Variants in NAALADL2 observed in about 807,000 individuals in gnomAD.
NAALADL2 encodes the protein inactive N-acetylated-alpha-linked acidic dipeptidase-like protein 2.
NAALADL2 carries 76 observed loss-of-function variants against 87.2 expected under a neutral mutation model. The observed-to-expected ratio is 0.87, with a 90% CI of 0.72 to 1.05. The LOEUF is 1.05. NAALADL2 is among the 50% of genes least tolerant of loss of function. NAALADL2 has a pLI of 0.00. For synonymous variants in NAALADL2, 354 were observed against 331.0 expected (o/e 1.07, Z -0.75); for missense variants, 1,089 against 945.8 (o/e 1.15, Z -1.99).
chr3:174,533,461 G>T (rs1721432294), intron 1 of NAALADL2, among the ~76,000 whole-genome samples: 1 of 152,014 alleles, frequency 6.6e-6, no homozygotes, highest in South Asian at 2.1e-4. Flanking sequence ...AATACATGTT[G>T]CTCTCTGACT....
At chr3:175,254,065 G>A (rs1749517208) in intron 3 of NAALADL2, among the ~76,000 whole-genome samples, 1 of 152,088 alleles carries the variant, frequency 6.6e-6, no homozygotes, top group African/African-American at 2.4e-5. Flanking sequence ...CAGCAATAGG[G>A]TTTTTGAGAT....
rs148565957 is a variant in NAALADL2 at position 174,620,107 on chromosome 3, A to G, written c.-115+69470A>G. ...ATCCACAGGTAACTGTTTTACTTAA[A>G]TCAATGTTAATCTCCTTGGTCATTT... On this transcript the variant is annotated intron_variant, in intron 2 of 3. Transcript: ENST00000434257. 2.5e-3 allele frequency among the ~76,000 whole-genome samples: 374 copies of G among 152,124 alleles called. 2 individuals are homozygous for G. Among genetic ancestry groups the G allele is most frequent in the African/African-American group, 8.6e-3 (357 of 41,552 alleles).
chr3:175,419,606 C>T (rs568113057), intron 5 of NAALADL2, among the ~76,000 whole-genome samples: 1 of 151,890 alleles, frequency 6.6e-6, no homozygotes, highest in Admixed American at 6.6e-5. Flanking sequence ...TCAGAGAGAC[C>T]TGATAAAGAT....
chr3:174,693,655 A>G (rs546568337), intron 2 of NAALADL2, among the ~76,000 whole-genome samples: 3 of 152,300 alleles, frequency 2.0e-5, no homozygotes, highest in Admixed American at 1.3e-4. Flanking sequence ...AAGCAAGAAA[A>G]GGAATAAAAC....
At chr3:174,671,795 T>C (rs1178013928) in intron 2 of NAALADL2, among the ~76,000 whole-genome samples, 2 of 152,082 alleles carry the variant, frequency 1.3e-5, no homozygotes, top group African/African-American at 4.8e-5. Context: ...TGCTGCAAAC[T>C]TGAAGCTCAG....
At chr3:175,200,806 A>G (rs1739907487) in intron 2 of NAALADL2, among the ~76,000 whole-genome samples, 2 of 152,202 alleles carry the variant, frequency 1.3e-5, no homozygotes, top group Admixed American at 1.3e-4. Flanking sequence ...TCTAAAACAC[A>G]AAACAGGTCA....
intron 8 of NAALADL2, among the ~76,000 whole-genome samples, chr3:175,467,481 A>G (rs1199151094): frequency 6.6e-6 from 1 of 152,152 alleles, no homozygotes; most frequent in Non-Finnish European, 1.5e-5. Context: ...ACAGGATGAC[A>G]GGCACTGGAC....
At chr3:175,358,610 T>A (rs886088505) in intron 5 of NAALADL2, among the ~76,000 whole-genome samples, 1 of 152,158 alleles carries the variant, frequency 6.6e-6, no homozygotes, top group African/African-American at 2.4e-5. Flanking sequence ...ATAGAAATGT[T>A]TTAATGTTTT....
intron 6 of NAALADL2, among the ~76,000 whole-genome samples, chr3:175,451,608 T>C (rs2149237366): frequency 6.6e-6 from 1 of 152,308 alleles, no homozygotes; most frequent in East Asian, 1.9e-4. Context: ...AATCCATTAA[T>C]GTAATTTAGC....
chr3:174,468,388 T>TC (rs1347289908), intron 1 of NAALADL2, among the ~76,000 whole-genome samples: 2 of 149,228 alleles, frequency 1.3e-5, no homozygotes, highest in Admixed American at 6.7e-5. Flanking sequence ...CTTTTTCTTT[T>TC]TTTTTTTTTT....
intron 11 of NAALADL2, among the ~76,000 whole-genome samples, chr3:175,663,127 A>G (rs1449082318): frequency 6.6e-6 from 1 of 151,798 alleles, no homozygotes; most frequent in African/African-American, 2.4e-5. Context: ...CAGTGTATAC[A>G]TTAGCTCCTG....
intron 10 of NAALADL2, among the ~76,000 whole-genome samples, chr3:175,595,765 C>T (rs566422727): frequency 6.6e-6 from 1 of 151,968 alleles, no homozygotes; most frequent in Admixed American, 6.6e-5. Context: ...GAAAAACATT[C>T]CATGCTCATG....
intron 2 of NAALADL2, among the ~76,000 whole-genome samples, chr3:175,181,468 A>G (rs568543308): frequency 1.3e-5 from 2 of 151,374 alleles, no homozygotes; most frequent in African/African-American, 2.4e-5. Flanking sequence ...ACATCTCCCA[A>G]TTCTTCCCTG....
chr3:174,760,097 G>A (rs1465121479), intron 3 of NAALADL2, among the ~76,000 whole-genome samples: 2 of 152,142 alleles, frequency 1.3e-5, no homozygotes, highest in Admixed American at 6.5e-5. Context: ...GATAGAGCAG[G>A]CAGTAATTTT....
chr3:174,733,064 T>C (rs774788578), intron 2 of NAALADL2, among the ~76,000 whole-genome samples: 1 of 152,174 alleles, frequency 6.6e-6, no homozygotes, highest in Non-Finnish European at 1.5e-5. Flanking sequence ...AGTGGGCTTT[T>C]TATTTATGAG....
chr3:174,745,599 G>A (rs490042), intron 3 of NAALADL2, among the ~76,000 whole-genome samples: 44,843 of 151,984 alleles, frequency 0.3, 7,126 homozygotes, highest in Non-Finnish European at 0.36. Flanking sequence ...GATGGCAGCA[G>A]CATCCTGACA....
chr3:174,686,576 T>C (rs1728062434), intron 2 of NAALADL2, among the ~76,000 whole-genome samples: 1 of 151,954 alleles, frequency 6.6e-6, no homozygotes, highest in East Asian at 1.9e-4. Context: ...AACAGCATGG[T>C]ATTGGTACAA....
chr3:174,815,406 G>A (rs376752194), intron 3 of NAALADL2, among the ~76,000 whole-genome samples: 13 of 150,908 alleles, frequency 8.6e-5, no homozygotes, highest in African/African-American at 2.7e-4. Flanking sequence ...TTCTGTACAT[G>A]TATGTGTCCA....
At chr3:174,828,659 G>A (rs890573172) in intron 3 of NAALADL2, among the ~76,000 whole-genome samples, 1 of 152,160 alleles carries the variant, frequency 6.6e-6, no homozygotes, top group African/African-American at 2.4e-5. Flanking sequence ...TCATTAGTGT[G>A]TCTTCTTTGA....
Sources: allele counts gnomAD v4.1 joint callset (sites outside exome capture counted in the v4.1 genomes callset), GRCh38; gene constraint gnomAD v4.1.1; transcripts MANE v1.5; gene names NCBI Gene and HGNC (gene_info 2026-07-23, HGNC 2026-07-21).